Variants in PIK3C2B observed in about 807,000 individuals in gnomAD.
The protein encoded by PIK3C2B is phosphatidylinositol-4-phosphate 3-kinase catalytic subunit type 2 beta.
In PIK3C2B, 83 loss-of-function variants were observed where a neutral mutation model predicts 184.3. The ratio of observed to expected loss-of-function variants is 0.45; its 90% CI spans 0.38 to 0.54. PIK3C2B has a LOEUF of 0.54. Ranked by LOEUF, PIK3C2B falls within the 20% of genes least tolerant of loss-of-function variation. The pLI is 0.00. For missense variants in PIK3C2B, 1,736 were observed against 2,113.5 expected (o/e 0.82, Z 3.50); for synonymous variants, 779 against 837.6 (o/e 0.93, Z 1.21).
At chr1:204,484,191 T>C (rs983424979) in intron 1 of PIK3C2B, among the ~76,000 whole-genome samples, 24 of 152,094 alleles carry the variant, frequency 1.6e-4, no homozygotes, top group Non-Finnish European at 2.5e-4. Context: ...TACCTTTTTT[T>C]CCCCCCTCTG....
intron 10 of PIK3C2B, 70 bp downstream of exon 10, chr1:204,456,967 A>G: frequency 7.4e-7 from 1 of 1,347,980 alleles, no homozygotes; most frequent in Non-Finnish European, 1.0e-6. Flanking sequence ...CCAGGCAGAA[A>G]AAGGAATCGG....
chr1:204,464,649 G>A, intron 3 of PIK3C2B, 45 bp from the exon 4 acceptor site: 1 of 1,585,132 alleles, frequency 6.3e-7, no homozygotes, highest in Non-Finnish European at 8.6e-7. Context: ...TTAGAAGAGA[G>A]TAGTCAAGAA....
chr1:204,431,578 T>A, intron 28 of PIK3C2B, 91 bp downstream of exon 28: 2 of 1,508,282 alleles, frequency 1.3e-6, no homozygotes, highest in Non-Finnish European at 1.8e-6. Flanking sequence ...AAAAGGGTAT[T>A]TTCTGCCCCT....
At position 204,428,089 on chromosome 1, in the gene PIK3C2B, T is replaced by TG. The variant is rs751564155; in HGVS notation, c.4480+49dup. ...AGGTTGGGGCAGAAGCAGTTACCCT[T>TG]GGGGTAGTTCAGAGGAGTTGGCAGT... On this transcript the variant is annotated intron_variant, in intron 30 of 32. Transcript: ENST00000684373. 9.4e-6 allele frequency: 10 copies of TG among 1,059,070 alleles called. No individual in the cohort carries two copies. The South Asian group carries it at 1.0e-4, about 11-fold the overall frequency. 65.6% of individuals were successfully genotyped at this position (1,059,070 alleles called of 1,614,324 possible). A position where few individuals can be genotyped will look rare whatever the true frequency, so the allele number is the denominator to read the frequency against.
intron 4 of PIK3C2B, 93 bp downstream of exon 4, chr1:204,464,357 G>T (rs911856745): frequency 7.6e-7 from 1 of 1,322,422 alleles, no homozygotes; most frequent in Non-Finnish European, 1.1e-6. Flanking sequence ...CCTTCATCTG[G>T]GCCACAAGAT....
chr1:204,492,198 A>G (rs185409998), intron 1 of PIK3C2B, among the ~76,000 whole-genome samples: 1 of 152,286 alleles, frequency 6.6e-6, no homozygotes, highest in African/African-American at 2.4e-5. Flanking sequence ...GTACTTTTGC[A>G]CACATGATTC....
At chr1:204,456,924 A>ACACACACCCC (rs377111253) in intron 10 of PIK3C2B, 113 bp downstream of exon 10, 140 of 547,942 alleles carry the variant, frequency 2.6e-4, no homozygotes, top group African/African-American at 2.5e-3. Flanking sequence ...ACACACACAC[A>ACACACACCCC]CCAGCCGAAC....
intron 1 of PIK3C2B, among the ~76,000 whole-genome samples, chr1:204,482,920 A>T (rs937640491): frequency 6.6e-6 from 1 of 152,174 alleles, no homozygotes; most frequent in Non-Finnish European, 1.5e-5. Context: ...AGGACTGCCC[A>T]TGTCAGCCTG....
At position 204,469,486 on chromosome 1, in the gene PIK3C2B, G is replaced by A. The variant is rs1228915008; in HGVS notation, c.317C>T (p.Ser106Phe). 2 of 1,606,932 alleles carry A rather than the reference G, an allele frequency of 1.2e-6. No homozygotes were observed. The highest frequency in any genetic ancestry group is 1.7e-6 in the Non-Finnish European group (2 of 1,176,446). Residue 106 changes from serine (S) to phenylalanine (F), a missense_variant, in exon 2 of 33, where the codon TCT (serine) becomes TTT (phenylalanine). Coordinates refer to ENST00000684373, the MANE Select transcript of PIK3C2B (RefSeq NM_001377334.1). ...GCCAGGCTGTGGCCCTTGGGAGGTA[G>A]AGTGGTTGGGCGGCCCTTCCTGTGG... ...LSPQEGPPNH[S>F]TSQGPQPGSD...
intron 1 of PIK3C2B, among the ~76,000 whole-genome samples, chr1:204,486,394 C>CAAAAAA (rs34149363): frequency 8.1e-5 from 7 of 86,586 alleles, no homozygotes; most frequent in African/African-American, 3.3e-4. Flanking sequence ...GACTCAGTCT[C>CAAAAAA]AAAAAAAAAA....
intron 1 of PIK3C2B, among the ~76,000 whole-genome samples, chr1:204,486,560 A>G (rs924846029): frequency 6.6e-6 from 1 of 151,900 alleles, no homozygotes; most frequent in Non-Finnish European, 1.5e-5. Context: ...GTGAAACCTC[A>G]TCTCTACAAA....
At chr1:204,468,396 A>AC (rs1655995315) in intron 2 of PIK3C2B, among the ~76,000 whole-genome samples, 1 of 151,758 alleles carries the variant, frequency 6.6e-6, no homozygotes, top group African/African-American at 2.4e-5. Flanking sequence ...GGAGATCTGG[A>AC]CCAGGGTCTG....
At chr1:204,435,963 C>T (rs1004143250) in intron 23 of PIK3C2B, 1 of 152,186 alleles carries the variant, frequency 6.6e-6, no homozygotes, top group Non-Finnish European at 1.5e-5. Flanking sequence ...CTATCAAATC[C>T]TCTCCCTGTC....
rs114878634 is a variant in PIK3C2B at position 204,484,007 on chromosome 1, C to T, written c.-85+10349G>A. ...AGGAACTGTGTCGAAACACCTTTCCCGTGTATGTGCCATTTCAAGGTCTGT... is the reference window on the plus strand; with the variant it reads ...AGGAACTGTGTCGAAACACCTTTCCTGTGTATGTGCCATTTCAAGGTCTGT... On this transcript the variant is annotated intron_variant, in intron 1 of 32. Coordinates refer to ENST00000684373, the MANE Select transcript of PIK3C2B (RefSeq NM_001377334.1). Among the ~76,000 whole-genome samples, 676 of 152,202 alleles carry T rather than the reference C, an allele frequency of 4.4e-3. 2 individuals are homozygous for T. The highest frequency in any genetic ancestry group is 0.016 in the African/African-American group (650 of 41,484).
At chr1:204,442,990 G>A (rs989621847) in intron 19 of PIK3C2B, among the ~76,000 whole-genome samples, 2 of 152,280 alleles carry the variant, frequency 1.3e-5, no homozygotes, top group African/African-American at 4.8e-5. Flanking sequence ...TTTAAATGTC[G>A]TTAACCAGGA....
At chr1:204,465,161 G>GGCCCCC in intron 3 of PIK3C2B, 58 bp downstream of exon 3, 1 of 734,310 alleles carries the variant, frequency 1.4e-6, no homozygotes, top group Non-Finnish European at 2.4e-6. Context: ...GAAATGGATG[G>GGCCCCC]CCCCCCTCCC....
intron 15 of PIK3C2B, 53 bp from the exon 16 acceptor site, chr1:204,446,197 G>A: frequency 7.5e-7 from 1 of 1,325,934 alleles, no homozygotes; most frequent in Non-Finnish European, 1.0e-6. Flanking sequence ...GGCAGTGAGA[G>A]AGAACAGCAT....
chr1:204,430,116 C>T, intron 28 of PIK3C2B, 78 bp from the exon 29 acceptor site: 1 of 913,860 alleles, frequency 1.1e-6, no homozygotes, highest in Non-Finnish European at 1.7e-6. Context: ...GCTTTTTTCA[C>T]ATTTCATTTG....
chr1:204,442,775 T>A (rs1166046238), intron 19 of PIK3C2B, 142 bp from the exon 20 acceptor site: 4 of 607,020 alleles, frequency 6.6e-6, no homozygotes, highest in Non-Finnish European at 1.2e-5. Flanking sequence ...AGAAGATCCT[T>A]AAGGAGGAGG....
Sources: gnomAD v4.1 joint callset for allele counts (sites outside exome capture counted in the v4.1 genomes callset) on GRCh38, gnomAD v4.1.1 for gene constraint, MANE v1.5 for transcripts, NCBI Gene and HGNC (gene_info 2026-07-23, HGNC 2026-07-21) for gene names.